The following B3GALT1 variants were observed in gnomAD, a reference collection of about 807,000 sequenced individuals.
B3GALT1 encodes the protein UDP-Gal:betaGlcNAc beta 1,3-galactosyltransferase, polypeptide 1.
Under a neutral mutation model 23.2 loss-of-function variants are expected in B3GALT1, and 10 were observed. That is an observed-to-expected ratio of 0.43 (90% CI 0.27 to 0.73). The LOEUF (loss-of-function observed/expected upper bound fraction) is 0.73, where lower values mean the gene tolerates loss of function less well. Among genes scored for constraint, B3GALT1 ranks in the 30% least tolerant of loss-of-function variants. B3GALT1 has a pLI of 0.21. For synonymous variants in B3GALT1, 156 were observed against 141.5 expected (o/e 1.10, Z -0.73); for missense variants, 299 against 405.4 (o/e 0.74, Z 2.25).
chr2:167,774,741 C>T (rs980053854), intron 3 of B3GALT1, among the ~76,000 whole-genome samples: 3 of 152,012 alleles, frequency 2.0e-5, no homozygotes, highest in Admixed American at 2.0e-4. Context: ...CATGATCCAC[C>T]CGCCTCAGCC....
intron 1 of B3GALT1, among the ~76,000 whole-genome samples, chr2:167,389,004 A>C (rs1697975020): frequency 6.6e-6 from 1 of 152,176 alleles, no homozygotes; most frequent in Admixed American, 6.5e-5. Flanking sequence ...TAGAGTGTAA[A>C]TTATCTTTTT....
intron 4 of B3GALT1, among the ~76,000 whole-genome samples, chr2:167,830,558 T>G (rs944834646): frequency 8.5e-5 from 13 of 152,190 alleles, no homozygotes; most frequent in Non-Finnish European, 1.2e-4. Flanking sequence ...AAGATGATGC[T>G]ACCATTGTTG....
intron 2 of B3GALT1, among the ~76,000 whole-genome samples, chr2:167,554,313 G>C (rs1333996942): frequency 6.6e-6 from 1 of 152,126 alleles, no homozygotes; most frequent in African/African-American, 2.4e-5. Flanking sequence ...TTGCTATGCT[G>C]TACAAGTTGT....
At chr2:167,630,960 A>G (rs1391536372) in intron 2 of B3GALT1, among the ~76,000 whole-genome samples, 1 of 147,180 alleles carries the variant, frequency 6.8e-6, no homozygotes, top group Non-Finnish European at 1.5e-5. Context: ...AGAATGAAAA[A>G]GAAACTATCA....
chr2:167,738,892 A>G (rs72876867), intron 3 of B3GALT1, among the ~76,000 whole-genome samples: 11,109 of 152,248 alleles, frequency 0.073, 456 homozygotes, highest in South Asian at 0.11. Flanking sequence ...TCTGACATAC[A>G]TTATCTTTCC....
chr2:167,417,981 A>G (rs975427564), intron 1 of B3GALT1, among the ~76,000 whole-genome samples: 1 of 152,208 alleles, frequency 6.6e-6, no homozygotes, highest in Non-Finnish European at 1.5e-5. Context: ...CTGCGTTGCA[A>G]AAGTTCCGCT....
Position 167,593,621 on chromosome 2 carries a change from TAATA to T in B3GALT1, c.-409-53281_-409-53278del, listed in dbSNP as rs565359384. Among the ~76,000 whole-genome samples, 192 of 152,302 alleles carry T rather than the reference TAATA, an allele frequency of 1.3e-3. No individual in the cohort carries two copies. The Middle Eastern group carries it at 0.02, about 16-fold the overall frequency. On this transcript the variant is annotated intron_variant, in intron 2 of 4. Coordinates refer to ENST00000392690, the MANE Select transcript of B3GALT1 (RefSeq NM_020981.4). ...TGTGTGCTTATGAAATTTAAAATTATAATAAATAAAATTACTGAGATAATATGGT... is the reference window on the plus strand; with the variant it reads ...TGTGTGCTTATGAAATTTAAAATTATAATAAAATTACTGAGATAATATGGT...
chr2:167,736,806 T>A (rs1207555735), intron 3 of B3GALT1, among the ~76,000 whole-genome samples: 1 of 152,114 alleles, frequency 6.6e-6, no homozygotes, highest in Non-Finnish European at 1.5e-5. Context: ...TGGTGGTGCA[T>A]GCCTGTAATT....
intron 1 of B3GALT1, among the ~76,000 whole-genome samples, chr2:167,436,944 GAT>G (rs1219681891): frequency 1.3e-5 from 2 of 152,176 alleles, no homozygotes; most frequent in Admixed American, 1.3e-4. Flanking sequence ...GGGCAGCTGA[GAT>G]ATGTTTCCCA....
Position 167,838,573 on chromosome 2 carries a change from T to C in B3GALT1, c.-230+19780T>C, listed in dbSNP as rs956221311. ...CATAAAGAGTCCAGGACCAGAAGGATTCACAGCCGAATTCTACCAGAGGTA... is the reference window on the plus strand; with the variant it reads ...CATAAAGAGTCCAGGACCAGAAGGACTCACAGCCGAATTCTACCAGAGGTA... On this transcript the variant is annotated intron_variant, in intron 4 of 4. Coordinates refer to ENST00000392690, the MANE Select transcript of B3GALT1 (RefSeq NM_020981.4). 1.7e-4 allele frequency among the ~76,000 whole-genome samples: 26 copies of C among 152,332 alleles called. No homozygotes were observed. The South Asian group carries it at 5.2e-3, about 31-fold the overall frequency.
chr2:167,502,761 C>T (rs1677355226), intron 2 of B3GALT1, among the ~76,000 whole-genome samples: 4 of 152,172 alleles, frequency 2.6e-5, no homozygotes. Context: ...GACATGAGGC[C>T]GGGCACTGTG....
chr2:167,323,741 A>G (rs1218153710), intron 1 of B3GALT1, among the ~76,000 whole-genome samples: 1 of 152,186 alleles, frequency 6.6e-6, no homozygotes, highest in African/African-American at 2.4e-5. Flanking sequence ...CAGCTTTTTC[A>G]TTACTAAAAT....
At chr2:167,508,319 A>G (rs2105352265) in intron 2 of B3GALT1, among the ~76,000 whole-genome samples, 1 of 145,700 alleles carries the variant, frequency 6.9e-6, no homozygotes, top group South Asian at 2.2e-4. Context: ...GTGCAGTGGC[A>G]GTGATCTCGG....
At chr2:167,733,684 G>A (rs981464256) in intron 3 of B3GALT1, among the ~76,000 whole-genome samples, 1 of 152,190 alleles carries the variant, frequency 6.6e-6, no homozygotes, top group African/African-American at 2.4e-5. Flanking sequence ...AAGAATGGAA[G>A]GCTAGTTGCT....
intron 2 of B3GALT1, among the ~76,000 whole-genome samples, chr2:167,564,826 A>G (rs375706712): frequency 1.3e-5 from 2 of 152,232 alleles, no homozygotes; most frequent in Non-Finnish European, 1.5e-5. Context: ...TTGAAGGAGA[A>G]CTACAGACCA....
chr2:167,487,337 G>A (rs868237261), intron 1 of B3GALT1, among the ~76,000 whole-genome samples: 2 of 152,108 alleles, frequency 1.3e-5, no homozygotes, highest in Non-Finnish European at 2.9e-5. Context: ...CATCCTTTAT[G>A]GCCTCTGTTT....
At chr2:167,536,397 C>A (rs1683426454) in intron 2 of B3GALT1, among the ~76,000 whole-genome samples, 1 of 152,098 alleles carries the variant, frequency 6.6e-6, no homozygotes, top group East Asian at 1.9e-4. Flanking sequence ...CACATGGAAG[C>A]AACTGAGGCA....
At chr2:167,828,253 CCT>C (rs1689270128) in intron 4 of B3GALT1, among the ~76,000 whole-genome samples, 1 of 152,164 alleles carries the variant, frequency 6.6e-6, no homozygotes, top group East Asian at 1.9e-4. Flanking sequence ...CAACAAATCC[CCT>C]GTCACCAATT....
chr2:167,551,499 A>G (rs535981926), intron 2 of B3GALT1, among the ~76,000 whole-genome samples: 2 of 152,294 alleles, frequency 1.3e-5, no homozygotes, highest in East Asian at 3.9e-4. Flanking sequence ...GAGACAGACA[A>G]CAGATTCAAA....
Sources: gnomAD v4.1 joint callset for allele counts (sites outside exome capture counted in the v4.1 genomes callset) on GRCh38, gnomAD v4.1.1 for gene constraint, MANE v1.5 for transcripts, NCBI Gene and HGNC (gene_info 2026-07-23, HGNC 2026-07-21) for gene names.